The following SCCPDH variants were observed in gnomAD, a reference collection of about 807,000 sequenced individuals.
The protein encoded by SCCPDH is saccharopine dehydrogenase-like oxidoreductase.
SCCPDH carries 34 observed loss-of-function variants against 51.5 expected under a neutral mutation model. That is an observed-to-expected ratio of 0.66 (90% CI 0.50 to 0.88). The LOEUF (loss-of-function observed/expected upper bound fraction) is 0.88, where lower values mean the gene tolerates loss of function less well. SCCPDH is among the 40% of genes least tolerant of loss of function. The pLI is 0.00. For missense variants in SCCPDH, 464 were observed against 527.1 expected, an observed-to-expected ratio of 0.88 and a Z score of 1.17; for synonymous variants, 187 against 191.3, an observed-to-expected ratio of 0.98 and a Z score of 0.19.
At chr1:246,744,031 A>C in intron 4 of SCCPDH, 45 bp from the exon 5 acceptor site, 1 of 1,152,254 alleles carries the variant, frequency 8.7e-7, no homozygotes, top group Non-Finnish European at 1.3e-6. Context: ...CAAATAATTT[A>C]GATGTTATTT....
At chr1:246,742,254 C>A (rs368762204) in intron 4 of SCCPDH, among the ~76,000 whole-genome samples, 5 of 152,306 alleles carry the variant, frequency 3.3e-5, no homozygotes, top group African/African-American at 9.6e-5. Context: ...AATGCTTTAA[C>A]GTCTGTGAAG....
At chr1:246,758,562 T>G (rs1668965369) in intron 6 of SCCPDH, among the ~76,000 whole-genome samples, 1 of 152,150 alleles carries the variant, frequency 6.6e-6, no homozygotes, top group Non-Finnish European at 1.5e-5. Context: ...TACCATAAGC[T>G]TAAGATAAAT....
At chr1:246,741,081 C>T (rs1288580790) in intron 4 of SCCPDH, among the ~76,000 whole-genome samples, 2 of 151,792 alleles carry the variant, frequency 1.3e-5, no homozygotes, top group Non-Finnish European at 2.9e-5. Context: ...GAGACCTTGT[C>T]TCTTAGAAAA....
Position 246,758,330 on chromosome 1 carries a change from G to C in SCCPDH, c.669G>C (p.Pro223=), listed in dbSNP as rs373469030. The C allele has an allele frequency of 1.9e-6, 3 of 1,605,202 alleles. No homozygotes were observed. Among genetic ancestry groups the C allele is most frequent in the Non-Finnish European group, 2.6e-6 (3 of 1,176,354 alleles). Reference sequence around the variant, plus strand: ...ATGTATCAAATCTGAAACCTGTCCCGCTCATTGGTCCAAAATTGAAGAGAA... The same window carrying C: ...ATGTATCAAATCTGAAACCTGTCCCCCTCATTGGTCCAAAATTGAAGAGAA... The part of the protein sequence containing the change: ...LRNVSNLKPV[P]LIGPKLKRRW... Residue 223 remains proline, a synonymous_variant, in exon 6 of 12, where the codon CCG becomes CCC. Coordinates refer to ENST00000366510, the MANE Select transcript of SCCPDH (RefSeq NM_016002.3).
intron 7 of SCCPDH, among the ~76,000 whole-genome samples, chr1:246,759,752 G>A (rs1206548464): frequency 6.6e-6 from 1 of 152,182 alleles, no homozygotes; most frequent in East Asian, 1.9e-4. Flanking sequence ...CATACTTCCT[G>A]TTCACCAGGT....
intron 2 of SCCPDH, among the ~76,000 whole-genome samples, chr1:246,727,303 T>A (rs1668415673): frequency 6.6e-6 from 1 of 152,250 alleles, no homozygotes; most frequent in Non-Finnish European, 1.5e-5. Flanking sequence ...TAAAAAATGT[T>A]TGAGTGTGTC....
At position 246,764,344 on chromosome 1, in the gene SCCPDH, G is replaced by A. The variant is rs760882802; in HGVS notation, c.1089G>A (p.Gln363=). The change falls in exon 10 of 12, where the codon CAG becomes CAA. Residue 363 remains glutamine, a synonymous_variant. Transcript: ENST00000366510. The part of the protein sequence containing the change: ...KNKPNIKICT[Q]VKGPEAGYVA... ...AACCAAATATCAAAATTTGTACTCA[G>A]GTGAAAGGACCAGGTATTTCACATA... The A allele has an allele frequency of 7.5e-6, 12 of 1,605,354 alleles. No individual in the cohort carries two copies. Among genetic ancestry groups the A allele is most frequent in the Non-Finnish European group, 1.0e-5 (12 of 1,173,154 alleles).
At chr1:246,753,810 T>C (rs1017421091) in intron 5 of SCCPDH, among the ~76,000 whole-genome samples, 2 of 151,914 alleles carry the variant, frequency 1.3e-5, no homozygotes, top group South Asian at 2.1e-4. Flanking sequence ...GGAAGAGGAC[T>C]TAACGCTCGT....
rs888166915 is a variant in SCCPDH at position 246,767,591 on chromosome 1, C to T, written c.*291C>T. On this transcript the variant is annotated 3_prime_UTR_variant, in exon 12 of 12. Coordinates refer to ENST00000366510, the MANE Select transcript of SCCPDH (RefSeq NM_016002.3). The stretch of plus-strand genomic sequence containing the variant: ...GAGCTGGCAGGTCTAATGGGGGAGG[C>T]GGCGTCCCAGTCTGTGTTGCAGCAG... 1 of 183,308 alleles carries T rather than the reference C, an allele frequency of 5.5e-6. No homozygotes were observed. The highest frequency in any genetic ancestry group is 1.4e-4 in the East Asian group (1 of 7,380). The allele number at this position is 183,308 out of a possible 1,614,324, so 11.4% of individuals were successfully genotyped here.
At chr1:246,748,866 C>A (rs1431850046) in intron 5 of SCCPDH, among the ~76,000 whole-genome samples, 1 of 152,090 alleles carries the variant, frequency 6.6e-6, no homozygotes, top group Non-Finnish European at 1.5e-5. Context: ...TGCAGAATAC[C>A]CAGCAATAGT....
intron 9 of SCCPDH, among the ~76,000 whole-genome samples, chr1:246,763,363 G>T (rs1011107836): frequency 4.6e-5 from 7 of 152,200 alleles, no homozygotes; most frequent in African/African-American, 1.7e-4. Context: ...CAGGAGATGG[G>T]ACAGGTGTGG....
At chr1:246,757,802 G>A (rs894807730) in intron 5 of SCCPDH, among the ~76,000 whole-genome samples, 2 of 152,120 alleles carry the variant, frequency 1.3e-5, no homozygotes, top group African/African-American at 4.8e-5. Context: ...ATGCATAAAT[G>A]TGCACACGGA....
chr1:246,726,238 A>C (rs3007411), intron 1 of SCCPDH, among the ~76,000 whole-genome samples: 44,271 of 151,986 alleles, frequency 0.29, 8,021 homozygotes, highest in South Asian at 0.41. Context: ...GTGGTTGATG[A>C]GAAACTTTAT....
intron 3 of SCCPDH, among the ~76,000 whole-genome samples, chr1:246,737,077 G>C (rs1044365847): frequency 1.3e-5 from 2 of 152,038 alleles, no homozygotes; most frequent in Non-Finnish European, 2.9e-5. Flanking sequence ...CCTTTAAAAT[G>C]GTAACCTCAT....
chr1:246,747,021 C>A (rs779072906), intron 5 of SCCPDH, among the ~76,000 whole-genome samples: 2 of 152,202 alleles, frequency 1.3e-5, no homozygotes, highest in African/African-American at 2.4e-5. Context: ...GTGTTAGAAA[C>A]CCAGCTTAAA....
At chr1:246,763,950 C>G (rs1669054310) in intron 9 of SCCPDH, among the ~76,000 whole-genome samples, 1 of 152,098 alleles carries the variant, frequency 6.6e-6, no homozygotes, top group African/African-American at 2.4e-5. Flanking sequence ...AAATAGGTAT[C>G]TAAAACCAGA....
intron 2 of SCCPDH, among the ~76,000 whole-genome samples, chr1:246,729,437 G>T (rs1030634543): frequency 2.4e-4 from 37 of 152,120 alleles, no homozygotes; most frequent in Admixed American, 3.3e-4. Flanking sequence ...CCTTTCCCAG[G>T]GTTATTCCTT....
At chr1:246,735,233 G>A (rs1000964158) in intron 2 of SCCPDH, among the ~76,000 whole-genome samples, 24 of 152,292 alleles carry the variant, frequency 1.6e-4, no homozygotes, top group Admixed American at 7.8e-4. Flanking sequence ...TGATGTGGCC[G>A]TAGCCTGCCT....
chr1:246,744,845 C>T (rs371384584), intron 5 of SCCPDH, among the ~76,000 whole-genome samples: 31 of 152,016 alleles, frequency 2.0e-4, no homozygotes, highest in African/African-American at 7.2e-4. Flanking sequence ...AGGCTGGTCT[C>T]GAATTCCTGG....
Sources: gnomAD v4.1 joint callset for allele counts (sites outside exome capture counted in the v4.1 genomes callset) on GRCh38, gnomAD v4.1.1 for gene constraint, MANE v1.5 for transcripts, NCBI Gene and HGNC (gene_info 2026-07-23, HGNC 2026-07-21) for gene names.